The following RB1 variants were observed in gnomAD, a reference collection of about 807,000 sequenced individuals.
RB1 encodes RB transcriptional corepressor 1.
A neutral mutation model predicts 135.4 loss-of-function variants in RB1; 18 were observed. That is an observed-to-expected ratio of 0.13 (90% CI 0.09 to 0.20). The LOEUF (loss-of-function observed/expected upper bound fraction) is 0.20, where lower values mean the gene tolerates loss of function less well. Ranked by LOEUF, RB1 falls within the 10% of genes least tolerant of loss-of-function variation. The pLI is 1.00. For missense variants in RB1, 868 were observed against 1,110.0 expected, an observed-to-expected ratio of 0.78 and a Z score of 3.10; for synonymous variants, 365 against 373.2, an observed-to-expected ratio of 0.98 and a Z score of 0.25.
intron 17 of RB1, among the ~76,000 whole-genome samples, chr13:48,433,953 G>C (rs1191233625): frequency 6.6e-6 from 1 of 151,444 alleles, no homozygotes; most frequent in Non-Finnish European, 1.5e-5. Context: ...TGAACTCCTG[G>C]ACTCAAGTTA....
intron 9 of RB1, among the ~76,000 whole-genome samples, chr13:48,366,163 T>C (rs1284688561): frequency 7.9e-5 from 12 of 151,848 alleles, no homozygotes; most frequent in Non-Finnish European, 1.6e-4. Flanking sequence ...AATGTTATAT[T>C]AATGAGTCTT....
Position 48,456,250 on chromosome 13 carries a change from C to T in RB1, c.1861C>T (p.Arg621Cys), listed in dbSNP as rs367578442. 6.6e-5 allele frequency: 107 copies of T among 1,614,138 alleles called. No individual in the cohort carries two copies. The highest frequency in any genetic ancestry group is 8.3e-5 in the Admixed American group (5 of 60,030). ...RSPKKKGSTTRVNSTANAETQ... is the reference protein window; with the variant it reads ...RSPKKKGSTTCVNSTANAETQ... ...TCCAAAGAAAAAAGGTTCAACTACG[C>T]GTGTAAATTCTACTGCAAATGCAGA... The change falls in exon 19 of 27, where the codon CGT becomes TGT. Residue 621 changes from arginine to cysteine, a missense_variant. Around this residue, in one of 3 missense-constraint regions of RB1, gnomAD observed 641 missense variants for 791.3 expected, o/e 0.81. Coordinates refer to ENST00000267163, the MANE Select transcript of RB1 (RefSeq NM_000321.3).
intron 13 of RB1, among the ~76,000 whole-genome samples, chr13:48,378,369 A>G (rs1010892255): frequency 6.6e-6 from 1 of 152,110 alleles, no homozygotes; most frequent in Admixed American, 6.6e-5. Context: ...TTTCAATTTC[A>G]TAAAGATTTT....
intron 17 of RB1, among the ~76,000 whole-genome samples, chr13:48,383,236 C>G (rs890573879): frequency 2.6e-5 from 4 of 151,658 alleles, no homozygotes; most frequent in Non-Finnish European, 5.9e-5. Flanking sequence ...TACTATTGTT[C>G]AATTATAGGT....
chr13:48,447,038 A>G (rs1250166715), intron 17 of RB1, among the ~76,000 whole-genome samples: 1 of 152,116 alleles, frequency 6.6e-6, no homozygotes, highest in East Asian at 1.9e-4. Context: ...AATTGCTTTG[A>G]CTCTAGCAAT....
chr13:48,392,376 G>T (rs1566203264), intron 17 of RB1, among the ~76,000 whole-genome samples: 1 of 152,180 alleles, frequency 6.6e-6, no homozygotes, highest in Non-Finnish European at 1.5e-5. Context: ...TTCCCAAAGT[G>T]CTGGGATTAC....
chr13:48,436,574 C>T (rs1364505769), intron 17 of RB1, among the ~76,000 whole-genome samples: 4 of 151,818 alleles, frequency 2.6e-5, no homozygotes, highest in Admixed American at 6.6e-5. Context: ...ACCCGGGAGA[C>T]GGAGGTTGCA....
intron 17 of RB1, chr13:48,406,483 T>C (rs1948740966): frequency 6.6e-6 from 1 of 152,208 alleles, no homozygotes; most frequent in African/African-American, 2.4e-5. Flanking sequence ...TGATTATTTT[T>C]CTTTTCTTGC....
At chr13:48,318,749 G>C (rs1466519040) in intron 2 of RB1, 3 of 661,186 alleles carry the variant, frequency 4.5e-6, no homozygotes, top group Non-Finnish European at 8.2e-6. Context: ...TAGAGAGGGG[G>C]GCCTTGGGGC....
intron 2 of RB1, among the ~76,000 whole-genome samples, chr13:48,329,295 C>T (rs530627575): frequency 6.6e-6 from 1 of 152,246 alleles, no homozygotes; most frequent in East Asian, 1.9e-4. Flanking sequence ...TGAAAATCAT[C>T]AGGTACCTAT....
At chr13:48,308,619 C>A (rs1021212279) in intron 2 of RB1, among the ~76,000 whole-genome samples, 1 of 151,652 alleles carries the variant, frequency 6.6e-6, no homozygotes, top group Non-Finnish European at 1.5e-5. Context: ...TGCCACTGCA[C>A]TCCAGACTAG....
At chr13:48,389,450 C>T (rs1285146830) in intron 17 of RB1, 1 of 152,052 alleles carries the variant, frequency 6.6e-6, no homozygotes, top group Non-Finnish European at 1.5e-5. Flanking sequence ...AGTAAAGATA[C>T]AGCTTGATGT....
At chr13:48,317,862 C>T in intron 2 of RB1, 1 of 396,646 alleles carries the variant, frequency 2.5e-6, no homozygotes, top group Non-Finnish European at 4.8e-6. Context: ...CCTTCCTGCA[C>T]AGCAACTCTG....
rs1273298763 is a variant in RB1, at chr13:48,304,055, C to T, written c.137+6C>T. Reference sequence around the variant, plus strand: ...GAGGACCTGCCTCTCGTCAGGTGAGCGAGCAGAGCCGCCGTCGCCTCACGC... The same window carrying T: ...GAGGACCTGCCTCTCGTCAGGTGAGTGAGCAGAGCCGCCGTCGCCTCACGC... On this transcript the variant is annotated splice_donor_region_variant and intron_variant, in intron 1 of 26. Coordinates refer to ENST00000267163, the MANE Select transcript of RB1 (RefSeq NM_000321.3). 2.1e-6 allele frequency: 3 copies of T among 1,426,770 alleles called. No homozygotes were observed. The highest frequency in any genetic ancestry group is 2.7e-6 in the Non-Finnish European group (3 of 1,099,052). The allele number at this position is 1,426,770 out of a possible 1,614,324, so 88.4% of individuals were successfully genotyped here. A position where few individuals can be genotyped will look rare whatever the true frequency, so the allele number is the denominator to read the frequency against.
intron 11 of RB1, among the ~76,000 whole-genome samples, chr13:48,369,871 T>G (rs1461007490): frequency 6.6e-6 from 1 of 152,216 alleles, no homozygotes; most frequent in Non-Finnish European, 1.5e-5. Context: ...GATAGATTCA[T>G]TTGTGTTTGC....
chr13:48,340,340 CAAA>C (rs959315541), intron 2 of RB1, among the ~76,000 whole-genome samples: 20 of 151,992 alleles, frequency 1.3e-4, no homozygotes, highest in African/African-American at 4.8e-4. Context: ...TTATGGAAGT[CAAA>C]ACACAAGCTG....
intron 2 of RB1, chr13:48,316,979 G>A (rs1952189867): frequency 7.0e-6 from 3 of 430,124 alleles, no homozygotes; most frequent in South Asian, 2.9e-5. Flanking sequence ...CCCTATCGAT[G>A]ACCCTTCGTC....
At chr13:48,440,760 T>C (rs946139885) in intron 17 of RB1, among the ~76,000 whole-genome samples, 1 of 152,166 alleles carries the variant, frequency 6.6e-6, no homozygotes, top group African/African-American at 2.4e-5. Context: ...TATACTTGCT[T>C]AACTTTTCAT....
At chr13:48,317,106 T>C (rs1359792832) in intron 2 of RB1, 4 of 907,918 alleles carry the variant, frequency 4.4e-6, no homozygotes, top group Non-Finnish European at 6.0e-6. Flanking sequence ...CGCCAGCAAG[T>C]GTGGGCTTCC....
Sources: allele counts gnomAD v4.1 joint callset (sites outside exome capture counted in the v4.1 genomes callset), GRCh38; gene constraint gnomAD v4.1.1; regional missense constraint gnomAD v4.1.1; transcripts MANE v1.5; gene names NCBI Gene and HGNC (gene_info 2026-07-23, HGNC 2026-07-21).